The following ANTXR1 variants were observed in gnomAD, a reference collection of about 807,000 sequenced individuals.
The protein encoded by ANTXR1 is anthrax toxin receptor 1.
Under a neutral mutation model 78.1 loss-of-function variants are expected in ANTXR1, and 19 were observed. The observed-to-expected ratio is 0.24, with a 90% CI of 0.17 to 0.36. The LOEUF (loss-of-function observed/expected upper bound fraction) is 0.36. Among genes scored for constraint, ANTXR1 ranks in the 10% least tolerant of loss-of-function variants. The pLI is 1.00. For synonymous variants in ANTXR1, 273 were observed against 260.5 expected, an observed-to-expected ratio of 1.05 and a Z score of -0.46; for missense variants, 518 against 718.6, an observed-to-expected ratio of 0.72 and a Z score of 3.19.
intron 8 of ANTXR1, among the ~76,000 whole-genome samples, chr2:69,084,670 A>G (rs1232979856): frequency 6.9e-6 from 1 of 145,084 alleles, no homozygotes; most frequent in African/African-American, 2.6e-5. Context: ...GCCCCAAGCA[A>G]TTCTCTCACC....
At chr2:69,174,049 AC>A (rs1312942308) in intron 14 of ANTXR1, among the ~76,000 whole-genome samples, 1 of 152,128 alleles carries the variant, frequency 6.6e-6, no homozygotes, top group Non-Finnish European at 1.5e-5. Flanking sequence ...TCCCTTTGAA[AC>A]CCTCTGGCTT....
chr2:69,051,053 A>G (rs1402763190), intron 3 of ANTXR1, among the ~76,000 whole-genome samples: 1 of 152,166 alleles, frequency 6.6e-6, no homozygotes, highest in East Asian at 1.9e-4. Context: ...TGGGAGGCTG[A>G]GGCAGGCTGA....
At chr2:69,233,788 A>C (rs1675684474) in intron 17 of ANTXR1, among the ~76,000 whole-genome samples, 1 of 152,022 alleles carries the variant, frequency 6.6e-6, no homozygotes, top group African/African-American at 2.4e-5. Context: ...TAAAACAAGA[A>C]AATGTAATAA....
chr2:69,179,498 TG>T (rs1462701517), intron 14 of ANTXR1, among the ~76,000 whole-genome samples: 1 of 148,074 alleles, frequency 6.8e-6, no homozygotes, highest in Non-Finnish European at 1.5e-5. Flanking sequence ...CACTCCAGCC[TG>T]GGTGACAGAG....
At chr2:69,110,815 TTG>T (rs1375743540) in intron 10 of ANTXR1, among the ~76,000 whole-genome samples, 22 of 152,104 alleles carry the variant, frequency 1.4e-4, no homozygotes, top group Non-Finnish European at 8.8e-5. Flanking sequence ...TGAGCCAAGA[TTG>T]GGCCACTGCA....
chr2:69,145,709 G>T (rs1450918913), intron 12 of ANTXR1: 3 of 1,085,952 alleles, frequency 2.8e-6, no homozygotes, highest in African/African-American at 1.6e-5. Context: ...CTTCCCCCAG[G>T]CTCCCACTAA....
chr2:69,056,978 C>T (rs576671364), intron 3 of ANTXR1, among the ~76,000 whole-genome samples: 16 of 152,018 alleles, frequency 1.1e-4, no homozygotes, highest in Non-Finnish European at 1.8e-4. Context: ...CACAACCAGC[C>T]GAAACTTTAT....
At chr2:69,175,121 C>T (rs1037587103) in intron 14 of ANTXR1, among the ~76,000 whole-genome samples, 1 of 152,218 alleles carries the variant, frequency 6.6e-6, no homozygotes, top group Middle Eastern at 3.2e-3. Context: ...GGCAGTGTCA[C>T]CTGTCTCTGA....
intron 3 of ANTXR1, among the ~76,000 whole-genome samples, chr2:69,051,380 T>A (rs527840949): frequency 6.6e-6 from 1 of 152,314 alleles, no homozygotes; most frequent in East Asian, 1.9e-4. Context: ...TTGAATTTTA[T>A]ACATTTTGAC....
intron 3 of ANTXR1, among the ~76,000 whole-genome samples, chr2:69,060,552 A>G (rs1379567238): frequency 6.6e-6 from 1 of 152,240 alleles, no homozygotes; most frequent in Non-Finnish European, 1.5e-5. Context: ...AACAGGTGGT[A>G]AGGTAGAAGG....
intron 17 of ANTXR1, among the ~76,000 whole-genome samples, chr2:69,231,919 C>T (rs533742530): frequency 1.3e-5 from 2 of 152,244 alleles, no homozygotes; most frequent in East Asian, 3.9e-4. Flanking sequence ...GCATAGACCC[C>T]TCCTCGCCAC....
intron 12 of ANTXR1, 41 bp downstream of exon 12, chr2:69,124,684 A>C (rs770860144): frequency 1.2e-5 from 19 of 1,599,038 alleles, no homozygotes; most frequent in Admixed American, 3.3e-5. Flanking sequence ...TCTCATTATC[A>C]TTGTCACTAT....
At chr2:69,063,737 AATGT>A (rs1439984290) in intron 3 of ANTXR1, among the ~76,000 whole-genome samples, 1 of 152,188 alleles carries the variant, frequency 6.6e-6, no homozygotes, top group Non-Finnish European at 1.5e-5. Flanking sequence ...AGAGAAATAA[AATGT>A]ATGACAATAA....
At chr2:69,150,222 C>G (rs1673352704) in intron 12 of ANTXR1, among the ~76,000 whole-genome samples, 1 of 152,238 alleles carries the variant, frequency 6.6e-6, no homozygotes, top group African/African-American at 2.4e-5. Context: ...CTGCTATTCA[C>G]CTGCTGTGTT....
intron 1 of ANTXR1, among the ~76,000 whole-genome samples, chr2:69,026,773 A>T (rs1671356604): frequency 6.6e-6 from 1 of 152,174 alleles, no homozygotes; most frequent in Non-Finnish European, 1.5e-5. Context: ...TCAGAAAAAG[A>T]TCTGGAGCAT....
Position 69,137,490 on chromosome 2 carries a change from C to G in ANTXR1, c.951+12847C>G, listed in dbSNP as rs537888739. On this transcript the variant is annotated intron_variant, in intron 12 of 17. Coordinates refer to ENST00000303714, the MANE Select transcript of ANTXR1 (RefSeq NM_032208.3). ...CAGATAGTCTTTTGGGTTGAGCACC[C>G]TGGTTCAGTGAATCCATTTGAGAGA... Among the ~76,000 whole-genome samples, 6 of 152,204 alleles carry G rather than the reference C, an allele frequency of 3.9e-5. No homozygotes were observed. In the South Asian group the frequency reaches 8.3e-4, roughly 21 times the overall value.
chr2:69,187,405 T>G (rs1193613097), intron 16 of ANTXR1, among the ~76,000 whole-genome samples: 1 of 151,996 alleles, frequency 6.6e-6, no homozygotes, highest in Non-Finnish European at 1.5e-5. Flanking sequence ...ATGGGCAAAT[T>G]TTCTTAAAAA....
intron 12 of ANTXR1, among the ~76,000 whole-genome samples, chr2:69,143,220 T>C (rs1014737056): frequency 6.6e-6 from 1 of 151,970 alleles, no homozygotes; most frequent in African/African-American, 2.4e-5. Flanking sequence ...AAAGAAAGAA[T>C]GAGATCCTAA....
At chr2:69,127,511 G>A (rs549853302) in intron 12 of ANTXR1, among the ~76,000 whole-genome samples, 1 of 152,164 alleles carries the variant, frequency 6.6e-6, no homozygotes, top group Non-Finnish European at 1.5e-5. Context: ...GGTTGTGGAA[G>A]GACTTTGGCT....
Sources: allele counts gnomAD v4.1 joint callset (sites outside exome capture counted in the v4.1 genomes callset), GRCh38; gene constraint gnomAD v4.1.1; transcripts MANE v1.5; gene names NCBI Gene and HGNC (gene_info 2026-07-23, HGNC 2026-07-21).